Variants in CENPP observed in about 807,000 individuals in gnomAD.
CENPP encodes the protein centromere protein P.
In CENPP, 24 loss-of-function variants were observed where a neutral mutation model predicts 35.6. The observed-to-expected ratio is 0.67, with a 90% CI of 0.49 to 0.95. The LOEUF (loss-of-function observed/expected upper bound fraction) is 0.95, where lower values mean the gene tolerates loss of function less well. Ranked by LOEUF, CENPP falls within the 40% of genes least tolerant of loss-of-function variation. The pLI, the probability that CENPP is intolerant of heterozygous loss-of-function variation, is 0.00. For missense variants in CENPP, 332 were observed against 345.3 expected, an observed-to-expected ratio of 0.96 and a Z score of 0.31; for synonymous variants, 120 against 125.5, an observed-to-expected ratio of 0.96 and a Z score of 0.29.
In CENPP at chr9:92,499,202, C is replaced by T. The variant is rs376514162; in HGVS notation, c.565-112112C>T. Among the ~76,000 whole-genome samples the T allele has an allele frequency of 1.1e-3, 165 of 152,246 alleles. 1 individual carries two copies. Among genetic ancestry groups the T allele is most frequent in the African/African-American group, 3.8e-3 (156 of 41,542 alleles). On this transcript the variant is annotated intron_variant, in intron 5 of 7. Coordinates refer to ENST00000375587, the MANE Select transcript of CENPP (RefSeq NM_001012267.3). ...GAAACATAACTGCTTACATGAAAGCCTAAGTATATATTGATTCACCAGAAA... is the reference window on the plus strand; with the variant it reads ...GAAACATAACTGCTTACATGAAAGCTTAAGTATATATTGATTCACCAGAAA...
At chr9:92,328,499 A>G (rs1488862926) in intron 1 of CENPP, among the ~76,000 whole-genome samples, 1 of 152,136 alleles carries the variant, frequency 6.6e-6, no homozygotes, top group African/African-American at 2.4e-5. Flanking sequence ...CTCCGTGGTA[A>G]AATTATACCC....
intron 5 of CENPP, among the ~76,000 whole-genome samples, chr9:92,430,806 T>C (rs559202137): frequency 6.6e-6 from 1 of 152,248 alleles, no homozygotes; most frequent in African/African-American, 2.4e-5. Flanking sequence ...TTTTTATTTA[T>C]TTGTTGTTGA....
At position 92,514,668 on chromosome 9, in the gene CENPP, C is replaced by T. The variant is rs781597574; in HGVS notation, c.565-96646C>T. 1.4e-5 allele frequency: 23 copies of T among 1,602,476 alleles called. No homozygotes were observed. The Admixed American group carries it at 2.4e-4, about 17-fold the overall frequency. ...GACTTGTTATCTGTGGTGCTGTCAG[C>T]GGTGGTATCTGGGTAAGCATGGCGT... On this transcript the variant is annotated intron_variant, in intron 5 of 7. Coordinates refer to ENST00000375587, the MANE Select transcript of CENPP (RefSeq NM_001012267.3).
intron 5 of CENPP, among the ~76,000 whole-genome samples, chr9:92,582,840 C>G (rs900199666): frequency 6.6e-6 from 1 of 152,066 alleles, no homozygotes; most frequent in Non-Finnish European, 1.5e-5. Context: ...GAACGACTCC[C>G]TAGGGCCTGG....
In CENPP at chr9:92,387,053, GAAAAAAAAAAAA is replaced by G. The variant is rs903436031; in HGVS notation, c.564+7205_564+7216del. Among the ~76,000 whole-genome samples, 17 of 50,168 alleles carry G rather than the reference GAAAAAAAAAAAA, an allele frequency of 3.4e-4. No individual in the cohort carries two copies. The South Asian group carries it at 3.4e-3, about 10-fold the overall frequency. The allele number at this position is 50,168 out of a possible 152,430, so 32.9% of individuals were successfully genotyped here. On this transcript the variant is annotated intron_variant, in intron 5 of 7. Coordinates refer to ENST00000375587, the MANE Select transcript of CENPP (RefSeq NM_001012267.3). ...ACAGAGCGAGACTCTGTCTCAAAAA[GAAAAAAAAAAAA>G]AAAAAAAAAAGAAATGTGTGTGCTT... is the stretch of plus-strand genomic sequence containing the variant.
chr9:92,524,271 G>A (rs1848256705), intron 5 of CENPP, among the ~76,000 whole-genome samples: 4 of 152,204 alleles, frequency 2.6e-5, no homozygotes, highest in African/African-American at 9.7e-5. Context: ...GTCAGGAAGA[G>A]TAACTCTTTA....
chr9:92,532,015 G>GTTTTTGTTTTTTTTTTT (rs1848798157), intron 5 of CENPP, among the ~76,000 whole-genome samples: 2 of 95,726 alleles, frequency 2.1e-5, no homozygotes. Flanking sequence ...TTTATTTAAT[G>GTTTTTGTTTTTTTTTTT]TTTTTTTTTT....
intron 5 of CENPP, among the ~76,000 whole-genome samples, chr9:92,421,098 G>A (rs749540675): frequency 3.3e-5 from 5 of 152,072 alleles, no homozygotes; most frequent in African/African-American, 9.7e-5. Context: ...AGGCTGGAGC[G>A]CAGTGGTGCA....
intron 5 of CENPP, among the ~76,000 whole-genome samples, chr9:92,608,272 C>T (rs1424371359): frequency 6.6e-6 from 1 of 152,142 alleles, no homozygotes; most frequent in African/African-American, 2.4e-5. Flanking sequence ...CTCTTGGCCT[C>T]GATTTTAAAT....
rs1400261106 is a variant in CENPP, at chr9:92,529,333, T to TC, written c.565-81981_565-81980insC. Among the ~76,000 whole-genome samples the TC allele has an allele frequency of 2.0e-5, 3 of 152,186 alleles. No homozygotes were observed. The East Asian group carries it at 5.8e-4, about 29-fold the overall frequency. On this transcript the variant is annotated intron_variant, in intron 5 of 7. Transcript: ENST00000375587. The stretch of plus-strand genomic sequence containing the variant: ...AGTGCTGGTGAGTGTGTGGAGCAAC[T>TC]GTAAGTCTCATTCGGTGCTGGTGGG...
intron 4 of CENPP, among the ~76,000 whole-genome samples, chr9:92,363,302 A>C (rs932886518): frequency 6.6e-6 from 1 of 152,172 alleles, no homozygotes; most frequent in Admixed American, 6.5e-5. Flanking sequence ...CATGTGCACA[A>C]ATAGTCATGT....
chr9:92,389,054 G>T (rs1475178072), intron 5 of CENPP, among the ~76,000 whole-genome samples: 2 of 152,078 alleles, frequency 1.3e-5, no homozygotes, highest in African/African-American at 4.8e-5. Context: ...ACCTGTGTGT[G>T]ATTATCATAA....
intron 5 of CENPP, among the ~76,000 whole-genome samples, chr9:92,591,440 A>T (rs1306255565): frequency 6.7e-6 from 1 of 150,026 alleles, no homozygotes; most frequent in African/African-American, 2.4e-5. Context: ...ATAAATAAAT[A>T]AGACCTGCAG....
At chr9:92,523,091 T>C (rs970727593) in intron 5 of CENPP, among the ~76,000 whole-genome samples, 1 of 152,060 alleles carries the variant, frequency 6.6e-6, no homozygotes, top group East Asian at 1.9e-4. Context: ...TTTTTTTTTT[T>C]TTAAATAGAG....
At chr9:92,471,193 T>G (rs1213901774) in intron 5 of CENPP, among the ~76,000 whole-genome samples, 1 of 151,758 alleles carries the variant, frequency 6.6e-6, no homozygotes, top group African/African-American at 2.4e-5. Context: ...TTGATAATTT[T>G]TCTTTCTTTT....
chr9:92,389,884 C>G, intron 5 of CENPP: 1 of 1,612,640 alleles, frequency 6.2e-7, no homozygotes, highest in Non-Finnish European at 8.5e-7. Flanking sequence ...TTCCCCTACT[C>G]TTGATTTTGT....
chr9:92,518,197 T>A (rs1209862315), intron 5 of CENPP, among the ~76,000 whole-genome samples: 1 of 152,164 alleles, frequency 6.6e-6, no homozygotes, highest in East Asian at 1.9e-4. Context: ...TCTCAGTTAT[T>A]TTTCATTTAT....
At chr9:92,385,688 T>C (rs1842389534) in intron 5 of CENPP, 2 of 1,614,176 alleles carry the variant, frequency 1.2e-6, no homozygotes, top group Non-Finnish European at 1.7e-6. Flanking sequence ...CCCAGGACGA[T>C]TGGATTGCCC....
At chr9:92,608,721 A>G (rs1851150992) in intron 5 of CENPP, among the ~76,000 whole-genome samples, 2 of 152,256 alleles carry the variant, frequency 1.3e-5, no homozygotes, top group Admixed American at 1.3e-4. Context: ...CAGTCCCACA[A>G]AAGTCCTCCA....
Sources: allele counts gnomAD v4.1 joint callset (sites outside exome capture counted in the v4.1 genomes callset), GRCh38; gene constraint gnomAD v4.1.1; transcripts MANE v1.5; gene names NCBI Gene and HGNC (gene_info 2026-07-23, HGNC 2026-07-21).